ZSWIM6: variants seen among roughly 807,000 people sequenced by gnomAD.
ZSWIM6 encodes the protein zinc finger SWIM domain-containing protein 6.
A neutral mutation model predicts 113.2 loss-of-function variants in ZSWIM6; 9 were observed. That is an observed-to-expected ratio of 0.08 (90% CI 0.05 to 0.14). The LOEUF (loss-of-function observed/expected upper bound fraction) is 0.14, where lower values mean the gene tolerates loss of function less well. Among genes scored for constraint, ZSWIM6 ranks in the 10% least tolerant of loss-of-function variants. The pLI, the probability that ZSWIM6 is intolerant of heterozygous loss-of-function variation, is 1.00. For missense variants in ZSWIM6, 1,162 were observed against 1,552.2 expected, an observed-to-expected ratio of 0.75 and a Z score of 4.22; for synonymous variants, 611 against 606.5, an observed-to-expected ratio of 1.01 and a Z score of -0.11.
At chr5:61,411,099 A>C (rs1004461173) in intron 1 of ZSWIM6, among the ~76,000 whole-genome samples, 5 of 152,208 alleles carry the variant, frequency 3.3e-5, no homozygotes, top group African/African-American at 1.2e-4. Flanking sequence ...GCACTGCAGC[A>C]AAGTCGCTGG....
intron 1 of ZSWIM6, among the ~76,000 whole-genome samples, chr5:61,443,611 C>T (rs1746883824): frequency 6.6e-6 from 1 of 152,090 alleles, no homozygotes; most frequent in Non-Finnish European, 1.5e-5. Flanking sequence ...CTTGATATCA[C>T]AAAATAGGAT....
chr5:61,367,984 A>G (rs1005458078), intron 1 of ZSWIM6, among the ~76,000 whole-genome samples: 9 of 152,128 alleles, frequency 5.9e-5, no homozygotes, highest in Non-Finnish European at 1.2e-4. Flanking sequence ...ATAATTAGCC[A>G]GGTGTGGTGG....
rs1340037299 is a variant in ZSWIM6 at position 61,535,544 on chromosome 5, T to C, written c.2306T>C (p.Phe769Ser). The C allele has an allele frequency of 3.2e-6, 5 of 1,551,238 alleles. No individual in the cohort carries two copies. In the African/African-American group the frequency reaches 6.8e-5, roughly 21 times the overall value. The change falls in exon 10 of 14, where the codon TTT (phenylalanine) becomes TCT (serine). Residue 769 changes from phenylalanine to serine, a missense_variant. Phe to Ser is a radical substitution (Grantham distance 155). Coordinates refer to ENST00000252744, the MANE Select transcript of ZSWIM6 (RefSeq NM_020928.2). ...CGGGAGAGCGTTCCAATGCACACATTTGCCAAGTATCTCTTCACCTCTCTC... is the reference window on the plus strand; with the variant it reads ...CGGGAGAGCGTTCCAATGCACACATCTGCCAAGTATCTCTTCACCTCTCTC... Reference protein sequence around the residue: ...IHRESVPMHTFAKYLFTSLLP... With the variant: ...IHRESVPMHTSAKYLFTSLLP...
intron 1 of ZSWIM6, among the ~76,000 whole-genome samples, chr5:61,424,856 T>C (rs1443625114): frequency 6.6e-6 from 1 of 151,626 alleles, no homozygotes. Flanking sequence ...GCCTCCTGGA[T>C]AGCTGGGATT....
At chr5:61,524,913 T>TG (rs1749237755) in intron 5 of ZSWIM6, among the ~76,000 whole-genome samples, 1 of 152,162 alleles carries the variant, frequency 6.6e-6, no homozygotes, top group Admixed American at 6.5e-5. Context: ...AAGGGGTGGG[T>TG]GTGCAGGTAG....
intron 1 of ZSWIM6, among the ~76,000 whole-genome samples, chr5:61,437,819 T>C (rs933934198): frequency 2.0e-5 from 3 of 151,992 alleles, no homozygotes; most frequent in African/African-American, 7.2e-5. Context: ...ATCTTATTTA[T>C]CTGAATGTCA....
intron 1 of ZSWIM6, among the ~76,000 whole-genome samples, chr5:61,384,752 C>T (rs1047857559): frequency 5.3e-5 from 8 of 151,970 alleles, no homozygotes; most frequent in Admixed American, 5.2e-4. Flanking sequence ...TTTTGCTCTG[C>T]CATCTTGTAA....
At chr5:61,338,203 C>A (rs1744446525) in intron 1 of ZSWIM6, among the ~76,000 whole-genome samples, 1 of 149,806 alleles carries the variant, frequency 6.7e-6, no homozygotes. Flanking sequence ...AGTAAAAGAA[C>A]ATTATTAGAA....
At chr5:61,356,918 G>A (rs1287366117) in intron 1 of ZSWIM6, among the ~76,000 whole-genome samples, 5 of 150,024 alleles carry the variant, frequency 3.3e-5, no homozygotes, top group Non-Finnish European at 7.4e-5. Context: ...AGTGTTTCTT[G>A]GATTTTACTA....
chr5:61,391,671 C>T (rs1745718357), intron 1 of ZSWIM6: 2 of 1,032,416 alleles, frequency 1.9e-6, no homozygotes, highest in Non-Finnish European at 3.1e-6. Context: ...CCTTCTTGTT[C>T]ACCTTGGATC....
chr5:61,457,949 T>C (rs1377191434), intron 1 of ZSWIM6, among the ~76,000 whole-genome samples: 1 of 152,230 alleles, frequency 6.6e-6, no homozygotes, highest in Non-Finnish European at 1.5e-5. Context: ...ATATATATTA[T>C]GCCAGTTATT....
chr5:61,484,895 T>A, intron 2 of ZSWIM6, among the ~76,000 whole-genome samples: 1 of 152,270 alleles, frequency 6.6e-6, no homozygotes, highest in African/African-American at 2.4e-5. Flanking sequence ...TGTGGCTGTG[T>A]ACAAGTCATA....
intron 3 of ZSWIM6, among the ~76,000 whole-genome samples, chr5:61,493,091 G>A (rs1384181545): frequency 6.6e-6 from 1 of 152,048 alleles, no homozygotes; most frequent in Non-Finnish European, 1.5e-5. Flanking sequence ...TTTTATTTGG[G>A]AAATGTAGCA....
At chr5:61,517,991 A>G (rs1749003339) in intron 4 of ZSWIM6, among the ~76,000 whole-genome samples, 1 of 125,170 alleles carries the variant, frequency 8.0e-6, no homozygotes, top group Non-Finnish European at 1.6e-5. Flanking sequence ...TCCTGTGTCC[A>G]TGTGTTCTCA....
intron 2 of ZSWIM6, among the ~76,000 whole-genome samples, chr5:61,479,973 A>G (rs994421043): frequency 6.6e-6 from 1 of 152,170 alleles, no homozygotes; most frequent in South Asian, 2.1e-4. Context: ...AAAGCCTGCA[A>G]ACATAGTTGA....
At chr5:61,409,714 A>G (rs914933902) in intron 1 of ZSWIM6, among the ~76,000 whole-genome samples, 2 of 152,226 alleles carry the variant, frequency 1.3e-5, no homozygotes, top group African/African-American at 4.8e-5. Flanking sequence ...TGTATGAGTC[A>G]GAGTCAGGAA....
At chr5:61,461,460 T>G (rs980234894) in intron 1 of ZSWIM6, among the ~76,000 whole-genome samples, 3 of 152,104 alleles carry the variant, frequency 2.0e-5, no homozygotes, top group Non-Finnish European at 4.4e-5. Context: ...GAATCAAGAG[T>G]CCCAGTCTCT....
intron 1 of ZSWIM6, among the ~76,000 whole-genome samples, chr5:61,413,350 A>G (rs1746184199): frequency 6.6e-6 from 1 of 151,714 alleles, no homozygotes; most frequent in Non-Finnish European, 1.5e-5. Flanking sequence ...AAGGACATGA[A>G]CTCATCATTT....
At chr5:61,349,436 AT>A (rs1316580589) in intron 1 of ZSWIM6, among the ~76,000 whole-genome samples, 1 of 152,220 alleles carries the variant, frequency 6.6e-6, no homozygotes, top group Non-Finnish European at 1.5e-5. Context: ...ATTGAAAAAA[AT>A]AGCTCCAGTT....
Sources: gnomAD v4.1 joint callset for allele counts (sites outside exome capture counted in the v4.1 genomes callset) on GRCh38, gnomAD v4.1.1 for gene constraint, MANE v1.5 for transcripts, NCBI Gene and HGNC (gene_info 2026-07-23, HGNC 2026-07-21) for gene names.